H2BC12: variants seen among roughly 807,000 people sequenced by gnomAD.
H2BC12 encodes the protein histone H2B type 1-K.
Under a neutral mutation model 6.3 loss-of-function variants are expected in H2BC12, and 6 were observed. The observed-to-expected ratio is 0.95, with a 90% CI of 0.52 to 1.87. The LOEUF is 1.87. Ranked by LOEUF, H2BC12 falls within the 40% of genes most tolerant of loss-of-function variation. The pLI is 0.01. For synonymous variants in H2BC12, 132 were observed against 78.5 expected, an observed-to-expected ratio of 1.68 and a Z score of -3.60; for missense variants, 119 against 178.4, an observed-to-expected ratio of 0.67 and a Z score of 1.90.
At chr6:27,146,289 T>C (rs1038378616), downstream of H2BC12, 4 of 1,452,702 alleles carry the variant, frequency 2.8e-6, no homozygotes, top group Non-Finnish European at 2.8e-6. Context: ...ATCATGATAA[T>C]CCCTTTAAAA....
At chr6:27,138,649 G>A in the H2BC12 span, 9 of 152,138 alleles carry the variant, frequency 5.9e-5, no homozygotes, top group African/African-American at 2.2e-4. Context: ...AGCTTTCTTG[G>A]TCATATCAGG....
At chr6:27,144,518 T>C (rs942190147), downstream of H2BC12, among the ~76,000 whole-genome samples, 14 of 140,078 alleles carry the variant, frequency 1.0e-4, no homozygotes, top group African/African-American at 3.8e-4. Flanking sequence ...GAGATCATTT[T>C]GAAGGGAGAA....
chr6:27,140,906 T>A, the H2BC12 span, among the ~76,000 whole-genome samples: 1 of 151,404 alleles, frequency 6.6e-6, no homozygotes, highest in African/African-American at 2.4e-5. Context: ...TGTGGGTTTG[T>A]TTTTAACTGT....
At chr6:27,139,294 T>G in the H2BC12 span, 1 of 1,590,794 alleles carries the variant, frequency 6.3e-7, no homozygotes, top group Non-Finnish European at 8.6e-7. Flanking sequence ...ACCTTTGTTC[T>G]CTGACCACTT....
In H2BC12 at chr6:27,146,789, G is replaced by A. The variant is rs569415266; in HGVS notation, c.10C>T (p.Pro4Ser). The A allele has an allele frequency of 4.3e-6, 7 of 1,613,948 alleles. No individual in the cohort carries two copies. The highest frequency in any genetic ancestry group is 4.0e-5 in the African/African-American group (3 of 75,004). Reference sequence around the variant, plus strand: ...TTGGGCGCGGGAGCGGACTTCGCTGGTTCCGGCATGTTGAAGGCGAACTAC... The same window carrying A: ...TTGGGCGCGGGAGCGGACTTCGCTGATTCCGGCATGTTGAAGGCGAACTAC... MPE[P>S]AKSAPAPKKG... is the part of the protein sequence containing the mutation. Residue 4 changes from proline to serine, a missense_variant, in exon 1 of 1, where the codon CCA (proline) becomes TCA (serine). By Grantham distance (74) the Pro-to-Ser change is moderately conservative. Around this residue, in one of 2 missense-constraint regions of H2BC12, gnomAD observed 50 missense variants for 37.4 expected, o/e 1.34. Coordinates refer to ENST00000356950, the MANE Select transcript of H2BC12 (RefSeq NM_001312653.2).
At chr6:27,139,311 G>A in the H2BC12 span, 3 of 1,606,196 alleles carry the variant, frequency 1.9e-6, no homozygotes, top group East Asian at 2.2e-5. Context: ...ACTTGATAAT[G>A]TCAGGACGCG....
the H2BC12 span, chr6:27,138,655 T>C: frequency 6.6e-6 from 1 of 152,204 alleles, no homozygotes; most frequent in Non-Finnish European, 1.5e-5. Context: ...CTTGGTCATA[T>C]CAGGAAATTC....
At chr6:27,143,081 C>G (rs181830065), downstream of H2BC12, among the ~76,000 whole-genome samples, 2 of 152,218 alleles carry the variant, frequency 1.3e-5, no homozygotes, top group Admixed American at 1.3e-4. Context: ...AGTGCGGTGG[C>G]TCACTGGCCC....
In H2BC12 at chr6:27,146,507, C is replaced by A. The variant is rs1354920476; in HGVS notation, c.292G>T (p.Ala98Ser). The part of the protein sequence containing the change: ...STITSREIQT[A>S]VRLLLPGELA... ...TCCCCGGGCAGCAGCAGGCGCACGG[C>A]CGTCTGGATCTCCCTGGAGGTGATG... Residue 98 changes from alanine (A) to serine (S), a missense_variant, in exon 1 of 1, where the codon GCC becomes TCC. This residue lies in a region of H2BC12 where 69 missense variants were observed against 141.0 expected (regional missense o/e 0.49). Transcript: ENST00000356950. The A allele has an allele frequency of 1.2e-6, 2 of 1,614,250 alleles. No homozygotes were observed. Among genetic ancestry groups the A allele is most frequent in the Non-Finnish European group, 1.7e-6 (2 of 1,180,052 alleles).
chr6:27,145,864 G>GGCT (rs1261608438), downstream of H2BC12, among the ~76,000 whole-genome samples: 1 of 152,102 alleles, frequency 6.6e-6, no homozygotes, highest in Non-Finnish European at 1.5e-5. Flanking sequence ...ATGTCCCGTG[G>GGCT]GCTGCAGAGA....
At chr6:27,139,394 G>GT in the H2BC12 span, 1 of 1,614,220 alleles carries the variant, frequency 6.2e-7, no homozygotes, top group Non-Finnish European at 8.5e-7. Flanking sequence ...AACATCCAGG[G>GT]TATCACCAAG....
downstream of H2BC12, among the ~76,000 whole-genome samples, chr6:27,142,462 A>ACAGGGTTTCAC (rs561378705): frequency 6.2e-3 from 934 of 151,482 alleles, 6 homozygotes; most frequent in African/African-American, 0.019. Flanking sequence ...TTAAGTAGAG[A>ACAGGGTTTCAC]CATGTTGGCC....
At chr6:27,145,246 C>T (rs1760057175), downstream of H2BC12, among the ~76,000 whole-genome samples, 2 of 151,406 alleles carry the variant, frequency 1.3e-5, no homozygotes, top group Non-Finnish European at 2.9e-5. Context: ...TGCCTAAGGG[C>T]GGGCAATATC....
At chr6:27,140,067 G>C in the H2BC12 span, among the ~76,000 whole-genome samples, 1 of 152,080 alleles carries the variant, frequency 6.6e-6, no homozygotes, top group African/African-American at 2.4e-5. Context: ...GGACTTGGCG[G>C]GCACAGAGCT....
the H2BC12 span, chr6:27,139,671 C>T: frequency 2.6e-6 from 4 of 1,542,724 alleles, no homozygotes; most frequent in Admixed American, 4.2e-5. Flanking sequence ...TTTAGGGCCC[C>T]TAAGCTTTCA....
chr6:27,146,352 T>G (rs1581435659), downstream of H2BC12: 1 of 1,607,282 alleles, frequency 6.2e-7, no homozygotes, highest in Non-Finnish European at 8.5e-7. Flanking sequence ...AGCTCTAATA[T>G]CGATAATTTA....
At chr6:27,142,888 G>T (rs964688562), downstream of H2BC12, among the ~76,000 whole-genome samples, 6 of 151,550 alleles carry the variant, frequency 4.0e-5, no homozygotes, top group African/African-American at 1.5e-4. Context: ...ACCCACCTCG[G>T]CCTCCCAAAG....
downstream of H2BC12, among the ~76,000 whole-genome samples, chr6:27,141,745 T>TAACA (rs2113646789): frequency 2.0e-5 from 3 of 152,346 alleles, no homozygotes; most frequent in African/African-American, 7.2e-5. Flanking sequence ...TGCAGCAATG[T>TAACA]AACACGTCCT....
In H2BC12 at chr6:27,146,408, C is replaced by A; in HGVS notation, c.*10G>T. The A allele has an allele frequency of 6.2e-7, 1 of 1,614,212 alleles. No individual in the cohort carries two copies. Among genetic ancestry groups the A allele is most frequent in the African/African-American group, 1.3e-5 (1 of 75,056 alleles). ...TTGGGGTTGGGCTTTAAGACGCTTACTTGGCAAGTTTACTTAGCGCTGGTG... is the reference window on the plus strand; with the variant it reads ...TTGGGGTTGGGCTTTAAGACGCTTAATTGGCAAGTTTACTTAGCGCTGGTG... On this transcript the variant is annotated 3_prime_UTR_variant, in exon 1 of 1. Transcript: ENST00000356950.
Sources: gnomAD v4.1 joint callset for allele counts (sites outside exome capture counted in the v4.1 genomes callset) on GRCh38, gnomAD v4.1.1 for gene constraint, gnomAD v4.1.1 regional missense constraint, MANE v1.5 for transcripts, NCBI Gene and HGNC (gene_info 2026-07-23, HGNC 2026-07-21) for gene names.